ROBO2: variants seen among roughly 807,000 people sequenced by gnomAD.
ROBO2 encodes roundabout homolog 2.
ROBO2 carries 53 observed loss-of-function variants against 160.8 expected under a neutral mutation model. That is an observed-to-expected ratio of 0.33 (90% confidence interval 0.26 to 0.41). ROBO2 has a LOEUF of 0.41. ROBO2 is among the 10% of genes least tolerant of loss of function. ROBO2 has a pLI of 1.00. For missense variants in ROBO2, 1,577 were observed against 1,722.4 expected, an observed-to-expected ratio of 0.92 and a Z score of 1.49; for synonymous variants, 664 against 611.7, an observed-to-expected ratio of 1.09 and a Z score of -1.26.
intron 2 of ROBO2, among the ~76,000 whole-genome samples, chr3:76,574,313 A>C (rs1205798068): frequency 6.6e-6 from 1 of 152,108 alleles, no homozygotes; most frequent in African/African-American, 2.4e-5. Context: ...TAACCACATA[A>C]ATTTATAAAG....
intron 2 of ROBO2, among the ~76,000 whole-genome samples, chr3:76,194,350 GTAAATATATA>G (rs201501462): frequency 0.16 from 6,586 of 42,042 alleles, 449 homozygotes; most frequent in East Asian, 0.49. Context: ...TGTATGGTGT[GTAAATATATA>G]TATATATATA....
At chr3:77,401,011 T>C (rs972833932) in intron 2 of ROBO2, among the ~76,000 whole-genome samples, 16 of 151,604 alleles carry the variant, frequency 1.1e-4, no homozygotes, top group South Asian at 2.1e-4. Flanking sequence ...AATAAAAACA[T>C]AGGGTTGTGT....
intron 2 of ROBO2, among the ~76,000 whole-genome samples, chr3:77,279,909 A>C (rs2060133969): frequency 6.6e-6 from 1 of 152,162 alleles, no homozygotes; most frequent in Non-Finnish European, 1.5e-5. Context: ...ATTATTCATA[A>C]AAAGTGGCAA....
At chr3:76,528,848 G>A (rs2082080549) in intron 2 of ROBO2, among the ~76,000 whole-genome samples, 1 of 152,100 alleles carries the variant, frequency 6.6e-6, no homozygotes, top group Admixed American at 6.6e-5. Context: ...GAGATACTAA[G>A]ATGCAGCAGG....
chr3:77,518,993 GAAAACCTGTTCTAT>G (rs1318288472), intron 5 of ROBO2, among the ~76,000 whole-genome samples: 2 of 151,420 alleles, frequency 1.3e-5, no homozygotes, highest in Non-Finnish European at 3.0e-5. Context: ...ATCTGTATCT[GAAAACCTGTTCTAT>G]AGGTAGAAAA....
chr3:76,105,128 T>G lies in ROBO2; in HGVS notation c.109+167526T>G, dbSNP rs1401396421. On this transcript the variant is annotated intron_variant, in intron 2 of 26. Coordinates refer to the ROBO2 transcript ENST00000487694. ...GGTAACACCCTTGTGCTTCTTTTAA[T>G]GGGAAAAATTTCATGGTACCAAACA... Among the ~76,000 whole-genome samples the G allele has an allele frequency of 2.6e-5, 4 of 151,776 alleles. No homozygotes were observed. In the South Asian group the frequency reaches 8.3e-4, roughly 31 times the overall value.
At chr3:77,496,166 C>A (rs1293228187) in intron 5 of ROBO2, among the ~76,000 whole-genome samples, 1 of 152,132 alleles carries the variant, frequency 6.6e-6, no homozygotes, top group Non-Finnish European at 1.5e-5. Flanking sequence ...TTTTTACCAG[C>A]ATATTATGGT....
At position 76,787,901 on chromosome 3, in the gene ROBO2, A is replaced by T. The variant is rs2063096755; in HGVS notation, c.110-310113A>T. Among the ~76,000 whole-genome samples, 6 of 151,574 alleles carry T rather than the reference A, an allele frequency of 4.0e-5. No individual in the cohort carries two copies. The South Asian group carries it at 1.2e-3, about 31-fold the overall frequency. The stretch of plus-strand genomic sequence containing the variant: ...ATTGCTTTTACAACAACCCATCATG[A>T]TATTAGTATTACGTATATAGAGCAG... On this transcript the variant is annotated intron_variant, in intron 2 of 26. Coordinates refer to the ROBO2 transcript ENST00000487694.
At chr3:76,863,812 C>G (rs2071074439) in intron 2 of ROBO2, among the ~76,000 whole-genome samples, 1 of 152,002 alleles carries the variant, frequency 6.6e-6, no homozygotes, top group Non-Finnish European at 1.5e-5. Context: ...GTTACTGCCT[C>G]AAGCAATAAC....
chr3:76,285,189 T>C (rs1269095235), intron 2 of ROBO2, among the ~76,000 whole-genome samples: 1 of 152,182 alleles, frequency 6.6e-6, no homozygotes, highest in African/African-American at 2.4e-5. Context: ...CAAGTAGTCA[T>C]TTACTGGATA....
At chr3:76,457,555 G>C (rs765475292) in intron 2 of ROBO2, among the ~76,000 whole-genome samples, 14 of 152,126 alleles carry the variant, frequency 9.2e-5, no homozygotes, top group Non-Finnish European at 1.9e-4. Flanking sequence ...GCTGTCGGTG[G>C]ATCTGCCATT....
At chr3:77,520,242 ACTATT>A (rs2090457550) in intron 5 of ROBO2, among the ~76,000 whole-genome samples, 1 of 151,486 alleles carries the variant, frequency 6.6e-6, no homozygotes, top group East Asian at 2.0e-4. Flanking sequence ...TAAAAATTAA[ACTATT>A]TTCTTGCAGA....
intron 2 of ROBO2, among the ~76,000 whole-genome samples, chr3:77,234,263 C>A (rs1374968611): frequency 6.6e-6 from 1 of 152,190 alleles, no homozygotes; most frequent in Admixed American, 6.5e-5. Context: ...CCATCTCCCA[C>A]GCCTGCCCTT....
At chr3:77,400,231 C>T (rs1434951492) in intron 2 of ROBO2, among the ~76,000 whole-genome samples, 1 of 152,106 alleles carries the variant, frequency 6.6e-6, no homozygotes, top group Admixed American at 6.6e-5. Flanking sequence ...ATAGGGTTAG[C>T]TCAAAAGGAA....
intron 2 of ROBO2, among the ~76,000 whole-genome samples, chr3:77,142,675 A>C (rs1232177914): frequency 6.6e-6 from 1 of 152,090 alleles, no homozygotes; most frequent in Non-Finnish European, 1.5e-5. Context: ...TTCCATCACC[A>C]CTCACACATG....
At chr3:77,361,153 C>T (rs2069926694) in intron 2 of ROBO2, among the ~76,000 whole-genome samples, 1 of 152,020 alleles carries the variant, frequency 6.6e-6, no homozygotes, top group South Asian at 2.1e-4. Flanking sequence ...GTAAGGTTGC[C>T]AGATTAAATG....
At chr3:76,124,990 TCACCCCCTCCTTC>T (rs1335134446) in intron 2 of ROBO2, among the ~76,000 whole-genome samples, 3 of 152,116 alleles carry the variant, frequency 2.0e-5, no homozygotes, top group African/African-American at 4.8e-5. Context: ...TTCAACCCAT[TCACCCCCTCCTTC>T]CACCTTCTAG....
chr3:77,403,573 AGTGTGTGT>A (rs57545425), intron 2 of ROBO2, among the ~76,000 whole-genome samples: 2,737 of 129,426 alleles, frequency 0.021, 52 homozygotes, highest in East Asian at 0.076. Flanking sequence ...TAGTTATTTC[AGTGTGTGT>A]GTGTGTGTGT....
chr3:77,207,934 C>A (rs2083629891), intron 2 of ROBO2, among the ~76,000 whole-genome samples: 1 of 152,208 alleles, frequency 6.6e-6, no homozygotes, highest in Non-Finnish European at 1.5e-5. Flanking sequence ...GAATTGATTT[C>A]ATACACAACA....
Sources: allele counts gnomAD v4.1 joint callset (sites outside exome capture counted in the v4.1 genomes callset), GRCh38; gene constraint gnomAD v4.1.1; transcripts MANE v1.5; gene names NCBI Gene and HGNC (gene_info 2026-07-23, HGNC 2026-07-21).